ZNF486: variants seen among roughly 807,000 people sequenced by gnomAD.
The protein encoded by ZNF486 is zinc finger protein 486.
ZNF486 carries 12 observed loss-of-function variants against 12.8 expected under a neutral mutation model. That is an observed-to-expected ratio of 0.94 (90% CI 0.60 to 1.52). The LOEUF is 1.52. Among genes scored for constraint, ZNF486 ranks in the 40% most tolerant of loss-of-function variants. The pLI is 0.00. For synonymous variants in ZNF486, 231 were observed against 184.9 expected, an observed-to-expected ratio of 1.25 and a Z score of -2.02; for missense variants, 738 against 545.0, an observed-to-expected ratio of 1.35 and a Z score of -3.53.
intron 1 of ZNF486, among the ~76,000 whole-genome samples, chr19:20,181,572 C>T (rs1285759748): frequency 2.7e-5 from 4 of 150,676 alleles, no homozygotes; most frequent in South Asian, 4.2e-4. Context: ...AAATAAAGTA[C>T]GTATTTTAGG....
At chr19:20,182,882 G>A (rs1432597062) in intron 1 of ZNF486, among the ~76,000 whole-genome samples, 1 of 152,128 alleles carries the variant, frequency 6.6e-6, no homozygotes, top group Non-Finnish European at 1.5e-5. Context: ...CATCTGAGAA[G>A]GAATTCCAGA....
At chr19:20,191,701 CG>C (rs1186883817) in intron 3 of ZNF486, among the ~76,000 whole-genome samples, 1 of 151,960 alleles carries the variant, frequency 6.6e-6, no homozygotes, top group Non-Finnish European at 1.5e-5. Flanking sequence ...ACCTGGGAGG[CG>C]GAGCTTGTAG....
intron 1 of ZNF486, among the ~76,000 whole-genome samples, chr19:20,170,171 AC>A: frequency 6.6e-6 from 1 of 151,982 alleles, no homozygotes; most frequent in Admixed American, 6.6e-5. Context: ...TGCTGGGATT[AC>A]AGGCGTGAGC....
intron 1 of ZNF486, among the ~76,000 whole-genome samples, chr19:20,172,780 C>T (rs2089663723): frequency 6.8e-6 from 1 of 147,708 alleles, no homozygotes; most frequent in African/African-American, 2.6e-5. Flanking sequence ...GCTGGGATTA[C>T]AGACATGTGC....
chr19:20,193,753 TATTA>T (rs745626349), intron 3 of ZNF486, among the ~76,000 whole-genome samples: 25 of 152,044 alleles, frequency 1.6e-4, no homozygotes, highest in Non-Finnish European at 3.4e-4. Context: ...CTGTTATTTT[TATTA>T]ATTGTTTTAT....
Position 20,189,274 on chromosome 19 carries a change from T to A in ZNF486, c.253+3192T>A, listed in dbSNP as rs150199043. On this transcript the variant is annotated intron_variant, in intron 3 of 3. Transcript: ENST00000335117. ...TTTTAGTATTATGGGGTTTATTATG[T>A]TGGCCAGGCTGGTCTCAAACTCCTG... is the stretch of plus-strand genomic sequence containing the variant. Among the ~76,000 whole-genome samples the A allele has an allele frequency of 4.8e-3, 732 of 152,286 alleles. 6 individuals are homozygous for A. The highest frequency in any genetic ancestry group is 0.017 in the African/African-American group (708 of 41,576).
rs1478851200 is a variant in ZNF486 at position 20,200,377 on chromosome 19, C to A, written c.*2275C>A. The A allele has an allele frequency of 6.6e-6, 1 of 152,070 alleles. No individual in the cohort carries two copies. The highest frequency in any genetic ancestry group is 1.5e-5 in the Non-Finnish European group (1 of 68,020). The allele number at this position is 152,070 out of a possible 1,614,324, so 9.4% of individuals were successfully genotyped here. On this transcript the variant is annotated 3_prime_UTR_variant, in exon 4 of 4. Transcript: ENST00000335117. ...ATGTATAAGGTAGGTCAGAGTAATACTTTTCTACATTATAGTGCAAGAAAT... is the reference window on the plus strand; with the variant it reads ...ATGTATAAGGTAGGTCAGAGTAATAATTTTCTACATTATAGTGCAAGAAAT...
chr19:20,187,795 G>T (rs901928592), intron 3 of ZNF486, among the ~76,000 whole-genome samples: 1 of 151,974 alleles, frequency 6.6e-6, no homozygotes, highest in South Asian at 2.1e-4. Context: ...GAGCCACCAC[G>T]CCTGGCCTTC....
At chr19:20,192,302 T>C (rs1278839527) in intron 3 of ZNF486, among the ~76,000 whole-genome samples, 2 of 152,256 alleles carry the variant, frequency 1.3e-5, no homozygotes, top group East Asian at 1.9e-4. Flanking sequence ...TCTTCATATG[T>C]ATATATTTAT....
At chr19:20,179,952 GTTTC>G (rs1488126618) in intron 1 of ZNF486, among the ~76,000 whole-genome samples, 1 of 152,138 alleles carries the variant, frequency 6.6e-6, no homozygotes, top group Non-Finnish European at 1.5e-5. Context: ...GAGTATTTTT[GTTTC>G]TTTCTCTCAT....
chr19:20,182,918 CTCT>C (rs1297563721), intron 1 of ZNF486, among the ~76,000 whole-genome samples: 4 of 152,106 alleles, frequency 2.6e-5, no homozygotes, highest in Admixed American at 6.6e-5. Context: ...AAAAAAGTGG[CTCT>C]TCTTAAGGTA....
chr19:20,198,120 A>G lies in ZNF486; in HGVS notation c.*18A>G. On this transcript the variant is annotated 3_prime_UTR_variant, in exon 4 of 4. Transcript: ENST00000335117. ...GAACGTGACAAAGGATTATTTTATT[A>G]TTATTATTTTTTTGAGAGGTAATTC... is the stretch of plus-strand genomic sequence containing the variant. 6.6e-7 allele frequency: 1 copy of G among 1,521,190 alleles called. No individual in the cohort carries two copies. The highest frequency in any genetic ancestry group is 8.8e-7 in the Non-Finnish European group (1 of 1,135,834). 94.2% of individuals were successfully genotyped at this position (1,521,190 alleles called of 1,614,324 possible).
intron 1 of ZNF486, among the ~76,000 whole-genome samples, chr19:20,168,436 C>T (rs1421342434): frequency 6.6e-6 from 1 of 152,214 alleles, no homozygotes; most frequent in Non-Finnish European, 1.5e-5. Context: ...AGGCGGATCA[C>T]CTGAGTTCGG....
chr19:20,192,892 T>C, intron 3 of ZNF486, among the ~76,000 whole-genome samples: 1 of 152,208 alleles, frequency 6.6e-6, no homozygotes, highest in East Asian at 1.9e-4. Flanking sequence ...GTAGTATAAT[T>C]AATTTATATT....
intron 1 of ZNF486, among the ~76,000 whole-genome samples, chr19:20,178,251 TTTC>T (rs2089745074): frequency 6.6e-6 from 1 of 151,796 alleles, no homozygotes; most frequent in Non-Finnish European, 1.5e-5. Context: ...TTCTCTTTTT[TTTC>T]TTTTTGAGAC....
chr19:20,170,235 A>G (rs1261793928), intron 1 of ZNF486, among the ~76,000 whole-genome samples: 1 of 151,800 alleles, frequency 6.6e-6, no homozygotes, highest in Non-Finnish European at 1.5e-5. Context: ...AGGGTAGCTC[A>G]AAATTCAGGA....
In ZNF486 at chr19:20,197,250, A is replaced by C. The variant is rs782298515; in HGVS notation, c.540A>C (p.Lys180Asn). The change falls in exon 4 of 4, where the codon AAA becomes AAC. Residue 180 changes from lysine (K) to asparagine (N), a missense_variant. Lys to Asn is a moderately conservative substitution (Grantham distance 94). Transcript: ENST00000335117. ...KRHKRRHTEK[K>N]PLKYIEGDKA... ...ATAAAAGAAGACATACTGAAAAAAA[A>C]CCTTTGAAATATATAGAAGGTGACA... The C allele has an allele frequency of 6.2e-7, 1 of 1,611,916 alleles. No homozygotes were observed.
rs1247273024 is a variant in ZNF486, at chr19:20,196,824, T to C, written c.254-140T>C. 2.6e-6 allele frequency: 3 copies of C among 1,159,260 alleles called. No homozygotes were observed. In the African/African-American group the frequency reaches 4.7e-5, roughly 18 times the overall value. 71.8% of individuals were successfully genotyped at this position (1,159,260 alleles called of 1,614,324 possible). The stretch of plus-strand genomic sequence containing the variant: ...AGTATGTTTTTGTTACCTTTATATG[T>C]CCAGGAAGAAATTACAGCTTGTGGC... On this transcript the variant is annotated intron_variant, in intron 3 of 3. Transcript: ENST00000335117.
At chr19:20,183,386 A>T (rs1053804419) in intron 1 of ZNF486, among the ~76,000 whole-genome samples, 1 of 152,224 alleles carries the variant, frequency 6.6e-6, no homozygotes, top group Admixed American at 6.5e-5. Flanking sequence ...GAAAGTTCTG[A>T]AAGAAATTAT....
Sources: allele counts gnomAD v4.1 joint callset (sites outside exome capture counted in the v4.1 genomes callset), GRCh38; gene constraint gnomAD v4.1.1; transcripts MANE v1.5; gene names NCBI Gene and HGNC (gene_info 2026-07-23, HGNC 2026-07-21).